PDZD2: variants seen among roughly 807,000 people sequenced by gnomAD.
PDZD2 encodes the protein PDZ domain containing 2.
Under a neutral mutation model 220.7 loss-of-function variants are expected in PDZD2, and 90 were observed. The observed-to-expected ratio is 0.41, with a 90% CI of 0.34 to 0.49. The LOEUF is 0.49. Among genes scored for constraint, PDZD2 ranks in the 20% least tolerant of loss-of-function variants. PDZD2 has a pLI of 0.28. For synonymous variants in PDZD2, 1,375 were observed against 1,450.5 expected, an observed-to-expected ratio of 0.95 and a Z score of 1.18; for missense variants, 3,174 against 3,608.5, an observed-to-expected ratio of 0.88 and a Z score of 3.08.
At chr5:31,929,448 G>C (rs1195193287) in intron 2 of PDZD2, among the ~76,000 whole-genome samples, 1 of 152,188 alleles carries the variant, frequency 6.6e-6, no homozygotes, top group Non-Finnish European at 1.5e-5. Flanking sequence ...ACCCATCCTA[G>C]TTGTGACAGT....
chr5:31,652,147 T>TTTTG (rs61335359), intron 1 of PDZD2, among the ~76,000 whole-genome samples: 87,269 of 147,136 alleles, frequency 0.59, 26,550 homozygotes, highest in East Asian at 0.88. Context: ...TTTTTTTGTT[T>TTTTG]TTTGTTTGTT....
At chr5:31,811,517 T>C (rs1046262032) in intron 2 of PDZD2, among the ~76,000 whole-genome samples, 4 of 152,182 alleles carry the variant, frequency 2.6e-5, no homozygotes, top group Non-Finnish European at 5.9e-5. Flanking sequence ...GCTGGGCTAG[T>C]TCCATAGCTG....
At chr5:31,839,082 C>T (rs1023823398) in intron 2 of PDZD2, among the ~76,000 whole-genome samples, 6 of 152,186 alleles carry the variant, frequency 3.9e-5, no homozygotes, top group Non-Finnish European at 1.5e-5. Context: ...CCTCTCCTGC[C>T]ATCCCTGCAT....
rs1745794248 is a variant in PDZD2, at chr5:31,662,170, G to A, written c.-361+22733G>A. ...TACTAAAAATACAAAAATTAGCTGG[G>A]CGTGGTGGTGCATGCCTATAATCCC... On this transcript the variant is annotated intron_variant, in intron 1 of 24. Coordinates refer to ENST00000438447, the MANE Select transcript of PDZD2 (RefSeq NM_178140.4). 2.6e-5 allele frequency among the ~76,000 whole-genome samples: 4 copies of A among 152,118 alleles called. 1 individual carries two copies. The South Asian group carries it at 8.3e-4, about 32-fold the overall frequency.
rs1751979400 is a variant in PDZD2, at chr5:32,000,090, G to A, written c.1122-49G>A. 6.3e-7 allele frequency: 1 copy of A among 1,598,336 alleles called. No homozygotes were observed. Among genetic ancestry groups the A allele is most frequent in the Non-Finnish European group, 8.6e-7 (1 of 1,168,212 alleles). The stretch of plus-strand genomic sequence containing the variant: ...AGCTCCAGAAAATGGCCCTTCTCAG[G>A]CCCAGAATGTCTTGACAAGGGATCT... On this transcript the variant is annotated intron_variant, in intron 4 of 24. Coordinates refer to ENST00000438447, the MANE Select transcript of PDZD2 (RefSeq NM_178140.4). The surrounding 1 kb of genome is among the most constrained non-coding windows in gnomAD (Gnocchi z 4.5).
At position 32,090,234 on chromosome 5, in the gene PDZD2, G is replaced by A. The variant is rs1310790323; in HGVS notation, c.6786G>A (p.Lys2262=). 4 of 1,614,186 alleles carry A rather than the reference G, an allele frequency of 2.5e-6. No homozygotes were observed. The South Asian group carries it at 4.4e-5, about 18-fold the overall frequency. Residue 2262 remains lysine (K), a synonymous_variant, in exon 20 of 25, where the codon AAG becomes AAA. Transcript: ENST00000438447. This position sits in a 1 kb window ranked among gnomAD's most constrained non-coding sequence, Gnocchi z 4.3. ...CAAGCAGTGTTGTCCCCGAGGCAAA[G>A]GCATCCAGAGGTGGTCTTCCCAGCC... ...PVTSSVVPEA[K]ASRGGLPSLA... is the part of the protein sequence containing the mutation.
At chr5:31,649,469 C>CT (rs1161236293) in intron 1 of PDZD2, among the ~76,000 whole-genome samples, 1 of 151,888 alleles carries the variant, frequency 6.6e-6, no homozygotes, top group African/African-American at 2.4e-5. Flanking sequence ...CCCAGGTACT[C>CT]TATCACATGA....
intron 1 of PDZD2, among the ~76,000 whole-genome samples, chr5:31,652,197 T>G (rs968289176): frequency 6.6e-6 from 1 of 151,846 alleles, no homozygotes; most frequent in Non-Finnish European, 1.5e-5. Flanking sequence ...CTTGCCATGT[T>G]ACCCAGGCTG....
chr5:31,645,482 G>A (rs554573206), intron 1 of PDZD2, among the ~76,000 whole-genome samples: 1 of 152,012 alleles, frequency 6.6e-6, no homozygotes, highest in Non-Finnish European at 1.5e-5. Context: ...GACTACAGGT[G>A]CGTGCCACCA....
chr5:31,726,733 C>A (rs1402393920), intron 1 of PDZD2, among the ~76,000 whole-genome samples: 1 of 152,106 alleles, frequency 6.6e-6, no homozygotes, highest in Non-Finnish European at 1.5e-5. Flanking sequence ...GAGGCTTTGA[C>A]CTGTACACTC....
At chr5:31,756,005 G>A (rs990046557) in intron 1 of PDZD2, among the ~76,000 whole-genome samples, 1 of 152,156 alleles carries the variant, frequency 6.6e-6, no homozygotes, top group Non-Finnish European at 1.5e-5. Context: ...GTCTTTAAAA[G>A]GCTTGAAAAT....
intron 2 of PDZD2, among the ~76,000 whole-genome samples, chr5:31,890,985 G>A (rs760703670): frequency 2.0e-5 from 3 of 152,156 alleles, no homozygotes; most frequent in Admixed American, 6.6e-5. Context: ...TCTGGCAACC[G>A]TATTAACACG....
chr5:31,863,583 G>A (rs1384274685), intron 2 of PDZD2, among the ~76,000 whole-genome samples: 1 of 152,136 alleles, frequency 6.6e-6, no homozygotes, highest in Non-Finnish European at 1.5e-5. Flanking sequence ...AATGCATTAG[G>A]GTGCAAAGTT....
intron 2 of PDZD2, among the ~76,000 whole-genome samples, chr5:31,967,517 C>T (rs1748864520): frequency 6.6e-6 from 1 of 152,166 alleles, no homozygotes; most frequent in African/African-American, 2.4e-5. Flanking sequence ...CAGTGTGCAA[C>T]TCAGCCCTTA....
intron 1 of PDZD2, among the ~76,000 whole-genome samples, chr5:31,717,135 A>G (rs1348705342): frequency 6.6e-6 from 1 of 152,208 alleles, no homozygotes; most frequent in Non-Finnish European, 1.5e-5. Flanking sequence ...AAGAGTCAAT[A>G]GATCATCCTT....
intron 6 of PDZD2, among the ~76,000 whole-genome samples, chr5:32,022,203 T>G (rs895570989): frequency 5.3e-5 from 8 of 150,558 alleles, no homozygotes; most frequent in Admixed American, 6.6e-5. Context: ...GTTTTTTGTT[T>G]TTTTTTGGAG....
rs35229609 is a variant in PDZD2, at chr5:31,896,323, C to CGTGTGTGTGT, written c.477-86797_477-86788dup. 2.5e-3 allele frequency among the ~76,000 whole-genome samples: 343 copies of CGTGTGTGTGT among 136,470 alleles called. 2 individuals are homozygous for CGTGTGTGTGT. Among genetic ancestry groups the CGTGTGTGTGT allele is most frequent in the Non-Finnish European group, 3.6e-3 (228 of 63,978 alleles). 89.5% of individuals were successfully genotyped at this position (136,470 alleles called of 152,430 possible). A position where few individuals can be genotyped will look rare whatever the true frequency, so the allele number is the denominator to read the frequency against. ...TCATCAGATTCCTATTTGATACTCT[C>CGTGTGTGTGT]GTGTGTGTGTGTGTGTGTGTGTGTG... On this transcript the variant is annotated intron_variant, in intron 2 of 24. Coordinates refer to ENST00000438447, the MANE Select transcript of PDZD2 (RefSeq NM_178140.4).
intron 2 of PDZD2, among the ~76,000 whole-genome samples, chr5:31,880,991 G>A (rs540962539): frequency 2.6e-5 from 4 of 151,344 alleles, no homozygotes; most frequent in South Asian, 4.2e-4. Context: ...TAGTAGAGAC[G>A]GGGTTTCACC....
intron 5 of PDZD2, among the ~76,000 whole-genome samples, chr5:32,006,905 G>GTTT (rs1264028038): frequency 2.2e-5 from 2 of 90,970 alleles, no homozygotes; most frequent in Admixed American, 1.5e-4. Flanking sequence ...AGCCATGCTG[G>GTTT]TCTTTTTTTT....
Sources: allele counts gnomAD v4.1 joint callset (sites outside exome capture counted in the v4.1 genomes callset), GRCh38; gene constraint gnomAD v4.1.1; non-coding constraint Gnocchi (gnomAD v3.1); transcripts MANE v1.5; gene names NCBI Gene and HGNC (gene_info 2026-07-23, HGNC 2026-07-21).